The following EVA1A variants were observed in gnomAD, a reference collection of about 807,000 sequenced individuals.
EVA1A encodes the protein eva-1 homolog A, regulator of programmed cell death.
In EVA1A, 7 loss-of-function variants were observed where a neutral mutation model predicts 9.8. The ratio of observed to expected loss-of-function variants is 0.71; its 90% CI spans 0.41 to 1.34. The LOEUF (loss-of-function observed/expected upper bound fraction) is 1.34, where lower values mean the gene tolerates loss of function less well. Ranked by LOEUF, EVA1A falls within the 40% of genes most tolerant of loss-of-function variation. The pLI, the probability that EVA1A is intolerant of heterozygous loss-of-function variation, is 0.01. For missense variants in EVA1A, 206 were observed against 205.9 expected (o/e 1.00, Z 0.00); for synonymous variants, 90 against 85.6 (o/e 1.05, Z -0.28).
chr2:75,533,700 G>T (rs1049999624), intron 1 of EVA1A, among the ~76,000 whole-genome samples: 2 of 152,064 alleles, frequency 1.3e-5, no homozygotes, highest in African/African-American at 4.8e-5. Flanking sequence ...GATTTGGGAG[G>T]TGGAGGCAGG....
chr2:75,521,315 C>T (rs1187314318), intron 2 of EVA1A, among the ~76,000 whole-genome samples: 1 of 152,090 alleles, frequency 6.6e-6, no homozygotes, highest in Non-Finnish European at 1.5e-5. Context: ...ATTGTATGAC[C>T]CAGCCATTCC....
intron 1 of EVA1A, among the ~76,000 whole-genome samples, chr2:75,530,964 C>T (rs778249817): frequency 2.0e-5 from 3 of 152,146 alleles, no homozygotes; most frequent in Non-Finnish European, 4.4e-5. Flanking sequence ...GTCAAATGGT[C>T]ACTGTTTGAT....
At chr2:75,521,573 A>G (rs1270330418) in intron 2 of EVA1A, among the ~76,000 whole-genome samples, 1 of 152,252 alleles carries the variant, frequency 6.6e-6, no homozygotes, top group African/African-American at 2.4e-5. Flanking sequence ...GCCAGTCAAA[A>G]AGGACAGGTA....
intron 1 of EVA1A, among the ~76,000 whole-genome samples, chr2:75,537,109 G>A (rs554388347): frequency 6.6e-5 from 10 of 151,912 alleles, no homozygotes; most frequent in South Asian, 4.1e-4. Context: ...ATTTTTTTTC[G>A]TAATGACTTT....
intron 3 of EVA1A, among the ~76,000 whole-genome samples, chr2:75,498,757 C>A (rs939407527): frequency 2.0e-5 from 3 of 151,456 alleles, no homozygotes; most frequent in African/African-American, 4.9e-5. Context: ...CTAGTTGTAG[C>A]ACTACTGAGT....
At chr2:75,567,907 A>C (rs948613806) in intron 1 of EVA1A, among the ~76,000 whole-genome samples, 2 of 152,226 alleles carry the variant, frequency 1.3e-5, no homozygotes, top group Admixed American at 1.3e-4. Flanking sequence ...AAGAGCTAAT[A>C]AATGAAAGGC....
chr2:75,517,416 T>C (rs943511023), intron 3 of EVA1A, among the ~76,000 whole-genome samples: 1 of 152,198 alleles, frequency 6.6e-6, no homozygotes. Flanking sequence ...GTTTAGTCAT[T>C]CAAACCAGTG....
rs1003656457 is a variant in EVA1A, at chr2:75,492,456, G to C, written c.*780C>G. 19 of 142,780 alleles carry C rather than the reference G, an allele frequency of 1.3e-4. No individual in the cohort carries two copies. The Admixed American group carries it at 1.3e-3, about 10-fold the overall frequency. 8.8% of individuals were successfully genotyped at this position (142,780 alleles called of 1,614,324 possible). ...AAGTGTTTAAAATCACAATTATCTA[G>C]AGTCATAATAAAATTTTCTTGTCTC... On this transcript the variant is annotated 3_prime_UTR_variant, in exon 4 of 4. Coordinates refer to ENST00000393913, the MANE Select transcript of EVA1A (RefSeq NM_001135032.2).
upstream of EVA1A, among the ~76,000 whole-genome samples, chr2:75,562,386 C>T (rs759335968): frequency 9.9e-5 from 15 of 152,156 alleles, no homozygotes; most frequent in Non-Finnish European, 2.2e-4. Context: ...ATGAGAGCCA[C>T]TGTTTCAGAC....
At chr2:75,518,288 G>A in intron 2 of EVA1A, 80 bp from the exon 3 acceptor site, 1 of 1,398,130 alleles carries the variant, frequency 7.2e-7, no homozygotes, top group South Asian at 1.5e-5. Flanking sequence ...GACTCCTAAA[G>A]ACATATTTTT....
At chr2:75,546,812 A>T (rs1676344922) in intron 1 of EVA1A, among the ~76,000 whole-genome samples, 1 of 152,034 alleles carries the variant, frequency 6.6e-6, no homozygotes, top group Admixed American at 6.5e-5. Flanking sequence ...CCTCAACCCA[A>T]TATAACTGGT....
chr2:75,521,901 T>C (rs1675243969), intron 2 of EVA1A, among the ~76,000 whole-genome samples: 1 of 152,212 alleles, frequency 6.6e-6, no homozygotes, highest in Admixed American at 6.5e-5. Context: ...TTACTTTATT[T>C]AAAGAATCTT....
intron 1 of EVA1A, among the ~76,000 whole-genome samples, chr2:75,532,032 T>G (rs963145077): frequency 6.6e-6 from 1 of 151,410 alleles, no homozygotes; most frequent in East Asian, 1.9e-4. Flanking sequence ...TGGTGGCGGG[T>G]GCCTGTGGTC....
At chr2:75,536,744 C>G (rs1675916057) in intron 1 of EVA1A, among the ~76,000 whole-genome samples, 1 of 152,104 alleles carries the variant, frequency 6.6e-6, no homozygotes, top group South Asian at 2.1e-4. Context: ...AGTACCACAA[C>G]TCATCCAATA....
intron 3 of EVA1A, among the ~76,000 whole-genome samples, chr2:75,504,970 A>G (rs973241405): frequency 7.2e-5 from 11 of 152,336 alleles, no homozygotes; most frequent in African/African-American, 2.6e-4. Flanking sequence ...AAATAAAAAA[A>G]GAAAGAATTC....
chr2:75,494,950 G>A lies in EVA1A; in HGVS notation c.86-1341C>T, dbSNP rs569548628. Among the ~76,000 whole-genome samples the A allele has an allele frequency of 5.9e-5, 9 of 152,192 alleles. No homozygotes were observed. The East Asian group carries it at 1.5e-3, about 26-fold the overall frequency. On this transcript the variant is annotated intron_variant, in intron 3 of 3. Transcript: ENST00000393913. ...CAGTATGCTTAGGGGGCCTAGTTGT[G>A]ACCCCTGTAAGATGTGCTTAACAGA...
intron 1 of EVA1A, among the ~76,000 whole-genome samples, chr2:75,533,600 A>C (rs1395377931): frequency 6.6e-6 from 1 of 152,084 alleles, no homozygotes; most frequent in African/African-American, 2.4e-5. Context: ...CGTATTTAAC[A>C]GTTGAAGCAA....
intron 3 of EVA1A, among the ~76,000 whole-genome samples, chr2:75,507,089 C>T (rs574326933): frequency 1.2e-4 from 18 of 152,340 alleles, no homozygotes; most frequent in African/African-American, 1.9e-4. Flanking sequence ...AGATGTGATT[C>T]TTCTACCTGG....
At chr2:75,559,277 G>T (rs1421729367) in intron 1 of EVA1A, among the ~76,000 whole-genome samples, 1 of 152,194 alleles carries the variant, frequency 6.6e-6, no homozygotes, top group Non-Finnish European at 1.5e-5. Flanking sequence ...AGCCAAATAT[G>T]TCTCCAGACA....
Sources: gnomAD v4.1 joint callset for allele counts (sites outside exome capture counted in the v4.1 genomes callset) on GRCh38, gnomAD v4.1.1 for gene constraint, MANE v1.5 for transcripts, NCBI Gene and HGNC (gene_info 2026-07-23, HGNC 2026-07-21) for gene names.